The following GABRA5 variants were observed in gnomAD, a reference collection of about 807,000 sequenced individuals.
GABRA5 encodes gamma-aminobutyric acid receptor subunit alpha-5.
In GABRA5, 18 loss-of-function variants were observed where a neutral mutation model predicts 47.3. That is an observed-to-expected ratio of 0.38 (90% CI 0.26 to 0.56). The LOEUF is 0.56. Among genes scored for constraint, GABRA5 ranks in the 20% least tolerant of loss-of-function variants. The pLI is 0.71. For synonymous variants in GABRA5, 237 were observed against 229.3 expected, an observed-to-expected ratio of 1.03 and a Z score of -0.30; for missense variants, 365 against 599.3, an observed-to-expected ratio of 0.61 and a Z score of 4.08.
intron 7 of GABRA5, among the ~76,000 whole-genome samples, chr15:26,917,237 A>C (rs1290184895): frequency 6.6e-6 from 1 of 152,052 alleles, no homozygotes; most frequent in Non-Finnish European, 1.5e-5. Context: ...TATCATATTG[A>C]GGTAATTTTC....
intron 7 of GABRA5, among the ~76,000 whole-genome samples, chr15:26,931,578 G>A (rs1894109029): frequency 2.6e-5 from 4 of 152,174 alleles, no homozygotes; most frequent in African/African-American, 7.2e-5. Flanking sequence ...ACTCAGCTAG[G>A]TGCAGTGAGG....
intron 10 of GABRA5, among the ~76,000 whole-genome samples, chr15:26,945,307 C>T (rs943519134): frequency 6.6e-5 from 10 of 152,156 alleles, no homozygotes; most frequent in Admixed American, 5.2e-4. Flanking sequence ...TCAGCCTACT[C>T]GAGTAAACTG....
rs537543365 is a variant in GABRA5 at position 26,944,991 on chromosome 15, C to T, written c.1089+1565C>T. Among the ~76,000 whole-genome samples, 296 of 152,300 alleles carry T rather than the reference C, an allele frequency of 1.9e-3. 2 individuals are homozygous for T. The highest frequency in any genetic ancestry group is 6.8e-3 in the African/African-American group (284 of 41,572). ...GTCAATCACCATGTCCGCCCTGCCTCCTGTGGCGGCTGATCTAATCACCAT... is the reference window on the plus strand; with the variant it reads ...GTCAATCACCATGTCCGCCCTGCCTTCTGTGGCGGCTGATCTAATCACCAT... On this transcript the variant is annotated intron_variant, in intron 10 of 10. Coordinates refer to ENST00000335625, the MANE Select transcript of GABRA5 (RefSeq NM_000810.4).
intron 9 of GABRA5, among the ~76,000 whole-genome samples, chr15:26,942,316 T>C (rs1455343233): frequency 1.3e-5 from 2 of 152,326 alleles, no homozygotes; most frequent in East Asian, 3.9e-4. Flanking sequence ...CCAGCCTGGC[T>C]GTGTGGTCAC....
chr15:26,921,363 A>G (rs993045683), intron 7 of GABRA5, among the ~76,000 whole-genome samples: 4 of 152,026 alleles, frequency 2.6e-5, no homozygotes, highest in Non-Finnish European at 4.4e-5. Flanking sequence ...TTTTTGAGAA[A>G]TTGGTTTATT....
rs1894437542 is a variant in GABRA5 at position 26,943,517 on chromosome 15, T to G, written c.1089+91T>G. The G allele has an allele frequency of 2.5e-6, 3 of 1,178,212 alleles. No individual in the cohort carries two copies. In the Admixed American group the frequency reaches 6.1e-5, roughly 24 times the overall value. The allele number at this position is 1,178,212 out of a possible 1,614,324, so 73.0% of individuals were successfully genotyped here. A position where few individuals can be genotyped will look rare whatever the true frequency, so the allele number is the denominator to read the frequency against. On this transcript the variant is annotated intron_variant, in intron 10 of 10. Transcript: ENST00000335625. Reference sequence around the variant, plus strand: ...CAAACATGAGACAAGGTGCTGCTCCTTCCTACCCGCCAGCCCCCGAATGCT... The same window carrying G: ...CAAACATGAGACAAGGTGCTGCTCCGTCCTACCCGCCAGCCCCCGAATGCT...
chr15:26,883,119 G>A lies in GABRA5; in HGVS notation c.209-47G>A, dbSNP rs1449195387. 3 of 1,492,938 alleles carry A rather than the reference G, an allele frequency of 2.0e-6. No individual in the cohort carries two copies. Among genetic ancestry groups the A allele is most frequent in the African/African-American group, 1.4e-5 (1 of 72,692 alleles). 92.5% of individuals were successfully genotyped at this position (1,492,938 alleles called of 1,614,324 possible). A position where few individuals can be genotyped will look rare whatever the true frequency, so the allele number is the denominator to read the frequency against. ...CTGAGAGCACGAGAGTGTGCCAGAC[G>A]CGCAGGGTGGGTCGGTGCAGCCCAG... On this transcript the variant is annotated intron_variant, in intron 4 of 10. Transcript: ENST00000335625. The surrounding 1 kb of genome is among the most constrained non-coding windows in gnomAD (Gnocchi z 4.8).
At chr15:26,871,623 T>C (rs1892473913) in intron 3 of GABRA5, among the ~76,000 whole-genome samples, 1 of 152,210 alleles carries the variant, frequency 6.6e-6, no homozygotes, top group Non-Finnish European at 1.5e-5. Flanking sequence ...CAACCATGCT[T>C]CCCATTTGGT....
chr15:26,922,242 A>G (rs2140300752), intron 7 of GABRA5, among the ~76,000 whole-genome samples: 1 of 152,250 alleles, frequency 6.6e-6, no homozygotes, highest in African/African-American at 2.4e-5. Flanking sequence ...AAGTAAATCA[A>G]TTTTTGTTAC....
intron 4 of GABRA5, among the ~76,000 whole-genome samples, chr15:26,882,597 C>T (rs906589969): frequency 6.6e-6 from 1 of 152,196 alleles, no homozygotes; most frequent in African/African-American, 2.4e-5. Context: ...ATCACAGTCT[C>T]CCATGATAGG....
chr15:26,933,627 C>T (rs989113637), intron 7 of GABRA5, among the ~76,000 whole-genome samples: 2 of 152,162 alleles, frequency 1.3e-5, no homozygotes, highest in Non-Finnish European at 2.9e-5. Flanking sequence ...ATGGCCATAA[C>T]CCTATGTGAT....
intron 3 of GABRA5, among the ~76,000 whole-genome samples, chr15:26,880,368 A>C (rs552469105): frequency 6.6e-6 from 1 of 152,218 alleles, no homozygotes; most frequent in Non-Finnish European, 1.5e-5. Context: ...AGACCAACTA[A>C]GGATGCAGTG....
rs192624365 is a variant in GABRA5, at chr15:26,934,486, T to C, written c.581-2699T>C. 7.2e-4 allele frequency among the ~76,000 whole-genome samples: 110 copies of C among 152,226 alleles called. 1 individual carries two copies. Among genetic ancestry groups the C allele is most frequent in the Non-Finnish European group, 1.3e-3 (87 of 68,000 alleles). ...TTGCTTTGGACCAAGAATAAGAAAG[T>C]AAATTAAAGTAGAAAGACCTTTTCG... On this transcript the variant is annotated intron_variant, in intron 7 of 10. Transcript: ENST00000335625.
In GABRA5 at chr15:26,867,639, G is replaced by A. The variant is rs1275991087; in HGVS notation, c.-140+528G>A. 6.6e-6 allele frequency among the ~76,000 whole-genome samples: 1 copy of A among 152,002 alleles called. No individual in the cohort carries two copies. The highest frequency in any genetic ancestry group is 1.5e-5 in the Non-Finnish European group (1 of 67,972). ...CGGGCGGCTCATCCCTGCCGGACGG[G>A]GCACCAGGGCGCGGTGACCGGTTGG... On this transcript the variant is annotated intron_variant, in intron 1 of 10. Transcript: ENST00000335625. The surrounding 1 kb of genome is among the most constrained non-coding windows in gnomAD (Gnocchi z 5.9).
intron 3 of GABRA5, among the ~76,000 whole-genome samples, chr15:26,873,237 GAATT>G (rs1453949566): frequency 6.6e-6 from 1 of 152,106 alleles, no homozygotes; most frequent in African/African-American, 2.4e-5. Flanking sequence ...ATTTAAACTG[GAATT>G]AATTTATCAT....
At chr15:26,880,373 G>A (rs1229405245) in intron 3 of GABRA5, among the ~76,000 whole-genome samples, 1 of 152,118 alleles carries the variant, frequency 6.6e-6, no homozygotes, top group Non-Finnish European at 1.5e-5. Flanking sequence ...AACTAAGGAT[G>A]CAGTGAGGTT....
At chr15:26,919,078 G>A (rs1443204011) in intron 7 of GABRA5, among the ~76,000 whole-genome samples, 1 of 152,182 alleles carries the variant, frequency 6.6e-6, no homozygotes, top group African/African-American at 2.4e-5. Flanking sequence ...AGGAGGCAGA[G>A]GCTGAGGTGA....
intron 10 of GABRA5, among the ~76,000 whole-genome samples, chr15:26,945,137 G>C (rs563045279): frequency 6.6e-6 from 1 of 152,352 alleles, no homozygotes; most frequent in Non-Finnish European, 1.5e-5. Context: ...CTGGCTTGTG[G>C]AATGTTCAGA....
Position 26,893,670 on chromosome 15 carries a change from C to T in GABRA5, c.497+10113C>T, listed in dbSNP as rs550758526. On this transcript the variant is annotated intron_variant, in intron 6 of 10. Transcript: ENST00000335625. ...TCTGCGGAGCCCAGGGCCTGCTCAC[C>T]CTGGAGTGGCGCAGGGGAAACAGGA... Among the ~76,000 whole-genome samples the T allele has an allele frequency of 7.2e-5, 11 of 152,094 alleles. 1 individual carries two copies. Among genetic ancestry groups the T allele is most frequent in the African/African-American group, 2.7e-4 (11 of 41,494 alleles).
Sources: allele counts gnomAD v4.1 joint callset (sites outside exome capture counted in the v4.1 genomes callset), GRCh38; gene constraint gnomAD v4.1.1; non-coding constraint Gnocchi (gnomAD v3.1); transcripts MANE v1.5; gene names NCBI Gene and HGNC (gene_info 2026-07-23, HGNC 2026-07-21).